PDE10A: variants seen among roughly 807,000 people sequenced by gnomAD.
PDE10A encodes the protein cAMP and cAMP-inhibited cGMP 3',5'-cyclic phosphodiesterase 10A.
A neutral mutation model predicts 97.7 loss-of-function variants in PDE10A; 39 were observed. That is an observed-to-expected ratio of 0.40 (90% confidence interval 0.31 to 0.52). PDE10A has a LOEUF of 0.52. Ranked by LOEUF, PDE10A falls within the 20% of genes least tolerant of loss-of-function variation. PDE10A has a pLI of 0.56. For synonymous variants in PDE10A, 371 were observed against 376.8 expected (o/e 0.98, Z 0.18); for missense variants, 731 against 1,047.8 (o/e 0.70, Z 4.17).
At chr6:165,811,916 C>G (rs372030438) in intron 1 of PDE10A, among the ~76,000 whole-genome samples, 31 of 151,956 alleles carry the variant, frequency 2.0e-4, no homozygotes, top group Admixed American at 2.0e-3. Flanking sequence ...TGCAGTGGTG[C>G]GATCTCAGCT....
intron 1 of PDE10A, among the ~76,000 whole-genome samples, chr6:165,899,982 G>A (rs1782059213): frequency 6.6e-6 from 1 of 152,204 alleles, no homozygotes. Flanking sequence ...ATTGGCCAGG[G>A]CTATCTGATG....
chr6:165,656,975 C>A (rs1790000450), intron 1 of PDE10A, among the ~76,000 whole-genome samples: 1 of 152,214 alleles, frequency 6.6e-6, no homozygotes, highest in Non-Finnish European at 1.5e-5. Context: ...TCAAAGAGTG[C>A]TCATCGATTT....
At chr6:165,915,792 C>T (rs934238083) in intron 1 of PDE10A, among the ~76,000 whole-genome samples, 1 of 152,198 alleles carries the variant, frequency 6.6e-6, no homozygotes, top group Non-Finnish European at 1.5e-5. Flanking sequence ...CACCTCAAGG[C>T]TTCTTTACTT....
intron 1 of PDE10A, among the ~76,000 whole-genome samples, chr6:165,604,273 C>A (rs984494130): frequency 6.6e-6 from 1 of 152,068 alleles, no homozygotes; most frequent in African/African-American, 2.4e-5. Context: ...AAGGATAATA[C>A]GGCGCCTGGC....
intron 2 of PDE10A, among the ~76,000 whole-genome samples, chr6:165,506,113 T>A (rs927210289): frequency 6.6e-6 from 1 of 152,118 alleles, no homozygotes; most frequent in African/African-American, 2.4e-5. Flanking sequence ...CATAACTATA[T>A]AAGTACTTTT....
chr6:165,450,148 G>C (rs1791180200), intron 4 of PDE10A, 94 bp downstream of exon 4: 4 of 748,656 alleles, frequency 5.3e-6, no homozygotes, highest in Middle Eastern at 2.5e-4. Flanking sequence ...AAATATAAAT[G>C]ACTTTCATCT....
rs1378601835 is a variant in PDE10A at position 165,649,485 on chromosome 6, A to G, written c.865+12462T>C. On this transcript the variant is annotated intron_variant, in intron 1 of 21. Coordinates refer to ENST00000539869, the MANE Select transcript of PDE10A (RefSeq NM_001385079.1). ...GAATCTAAATAATTCAAGTGTCCCC[A>G]TGAAGGCCCAGCCAGAGGGAAGGCT... Among the ~76,000 whole-genome samples, 7 of 152,020 alleles carry G rather than the reference A, an allele frequency of 4.6e-5. 1 individual carries two copies. The highest frequency in any genetic ancestry group is 4.6e-4 in the Admixed American group (7 of 15,270).
intron 13 of PDE10A, among the ~76,000 whole-genome samples, chr6:165,408,199 A>C (rs1562434005): frequency 6.6e-6 from 1 of 152,250 alleles, no homozygotes; most frequent in Non-Finnish European, 1.5e-5. Context: ...CAACACAATT[A>C]AAATGACAAT....
chr6:165,857,193 G>A (rs376425856), intron 1 of PDE10A, among the ~76,000 whole-genome samples: 3 of 152,242 alleles, frequency 2.0e-5, no homozygotes, highest in African/African-American at 7.2e-5. Flanking sequence ...TGCCATCCCA[G>A]GAGAATTGGC....
intron 2 of PDE10A, among the ~76,000 whole-genome samples, chr6:165,518,937 C>A (rs573887864): frequency 1.3e-5 from 2 of 152,238 alleles, no homozygotes; most frequent in South Asian, 4.2e-4. Flanking sequence ...TGGTTTCAGG[C>A]ATCCACTGGG....
chr6:165,702,962 T>C (rs1053390177), intron 1 of PDE10A, among the ~76,000 whole-genome samples: 1 of 152,230 alleles, frequency 6.6e-6, no homozygotes, highest in Non-Finnish European at 1.5e-5. Context: ...TGAGCTCCAG[T>C]GACCCAGATG....
At chr6:165,648,929 T>C (rs1471961305) in intron 1 of PDE10A, among the ~76,000 whole-genome samples, 1 of 152,012 alleles carries the variant, frequency 6.6e-6, no homozygotes, top group African/African-American at 2.4e-5. Flanking sequence ...GCAGCCACCT[T>C]CTCCTCACCC....
intron 1 of PDE10A, among the ~76,000 whole-genome samples, chr6:165,903,202 C>A (rs754084308): frequency 6.6e-6 from 1 of 152,124 alleles, no homozygotes; most frequent in Non-Finnish European, 1.5e-5. Flanking sequence ...AATTTTTATT[C>A]TTCTGCATTG....
intron 17 of PDE10A, among the ~76,000 whole-genome samples, chr6:165,385,473 C>T (rs895720083): frequency 6.6e-6 from 1 of 152,158 alleles, no homozygotes; most frequent in African/African-American, 2.4e-5. Flanking sequence ...AGAAGAACAA[C>T]ATAAGGGCAG....
intron 16 of PDE10A, among the ~76,000 whole-genome samples, chr6:165,389,945 G>C (rs1354581639): frequency 1.3e-5 from 2 of 152,200 alleles, no homozygotes; most frequent in African/African-American, 4.8e-5. Context: ...TCATATGACA[G>C]TTTCTATTCT....
intron 1 of PDE10A, among the ~76,000 whole-genome samples, chr6:165,839,992 A>ATTCCATCCCGT (rs1780207140): frequency 4.6e-4 from 2 of 4,328 alleles, no homozygotes; most frequent in African/African-American, 2.0e-3. Context: ...CCCATCTCCA[A>ATTCCATCCCGT]CTCCATCCCA....
At chr6:165,543,857 A>C (rs1371894335) in intron 1 of PDE10A, among the ~76,000 whole-genome samples, 1 of 149,146 alleles carries the variant, frequency 6.7e-6, no homozygotes, top group Admixed American at 6.6e-5. Flanking sequence ...AAAAAACACC[A>C]TTTTTCATAT....
chr6:165,684,263 G>T (rs1013201765), intron 1 of PDE10A, among the ~76,000 whole-genome samples: 1 of 152,182 alleles, frequency 6.6e-6, no homozygotes, highest in South Asian at 2.1e-4. Flanking sequence ...TTTGCTCACT[G>T]CTATACCCCA....
At chr6:165,478,717 G>A (rs1174604448) in intron 3 of PDE10A, among the ~76,000 whole-genome samples, 1 of 152,142 alleles carries the variant, frequency 6.6e-6, no homozygotes, top group Non-Finnish European at 1.5e-5. Flanking sequence ...TCTGATCCAG[G>A]AGAGTCTAAG....
Sources: gnomAD v4.1 joint callset for allele counts (sites outside exome capture counted in the v4.1 genomes callset) on GRCh38, gnomAD v4.1.1 for gene constraint, MANE v1.5 for transcripts, NCBI Gene and HGNC (gene_info 2026-07-23, HGNC 2026-07-21) for gene names.